Variants in OR1J2 observed in about 807,000 individuals in gnomAD.
OR1J2 encodes the protein olfactory receptor family 1 subfamily J member 2.
For missense variants in OR1J2, 304 were observed against 246.1 expected (o/e 1.24, Z -1.57); for synonymous variants, 142 against 99.7 (o/e 1.42, Z -2.52).
At chr9:122,461,004 G>T in the OR1J2 span, among the ~76,000 whole-genome samples, 1 of 152,166 alleles carries the variant, frequency 6.6e-6, no homozygotes, top group African/African-American at 2.4e-5. Flanking sequence ...AGTTCTAGGA[G>T]CTTTTTTGAT....
the OR1J2 span, chr9:122,477,866 G>C: frequency 4.3e-6 from 7 of 1,613,370 alleles, no homozygotes; most frequent in African/African-American, 1.3e-5. Flanking sequence ...TGCTGCTCTG[G>C]CCGGATGGGG....
the OR1J2 span, among the ~76,000 whole-genome samples, chr9:122,469,508 G>A: frequency 6.6e-6 from 1 of 152,122 alleles, no homozygotes; most frequent in Non-Finnish European, 1.5e-5. Flanking sequence ...CGAGTCTTGG[G>A]TATATGTTTA....
chr9:122,522,666 A>C, the OR1J2 span, among the ~76,000 whole-genome samples: 1 of 152,180 alleles, frequency 6.6e-6, no homozygotes, highest in African/African-American at 2.4e-5. Flanking sequence ...TGGAATTAAT[A>C]CTAAAAATAG....
chr9:122,479,815 T>C, the OR1J2 span, among the ~76,000 whole-genome samples: 1 of 152,192 alleles, frequency 6.6e-6, no homozygotes, highest in Admixed American at 6.5e-5. Context: ...AACCAACTAA[T>C]GCATACTCTA....
the OR1J2 span, among the ~76,000 whole-genome samples, chr9:122,573,644 T>A: frequency 6.6e-6 from 1 of 152,230 alleles, no homozygotes; most frequent in African/African-American, 2.4e-5. Context: ...TGAATTACAG[T>A]CCTTTATCAG....
the OR1J2 span, among the ~76,000 whole-genome samples, chr9:122,483,737 G>A: frequency 1.3e-5 from 2 of 152,156 alleles, no homozygotes; most frequent in African/African-American, 2.4e-5. Flanking sequence ...ACAACATGTC[G>A]ATGTTTGTTA....
the OR1J2 span, among the ~76,000 whole-genome samples, chr9:122,548,629 A>G: frequency 6.0e-5 from 9 of 150,840 alleles, no homozygotes; most frequent in African/African-American, 1.9e-4. Flanking sequence ...GTTCTAGGGT[A>G]TGTGTGCACA....
the OR1J2 span, among the ~76,000 whole-genome samples, chr9:122,575,865 G>C: frequency 5.3e-5 from 8 of 152,178 alleles, no homozygotes; most frequent in African/African-American, 1.9e-4. Context: ...CTTCATGTCT[G>C]TATCCTTTGA....
the OR1J2 span, among the ~76,000 whole-genome samples, chr9:122,551,670 C>T: frequency 8.6e-4 from 131 of 152,118 alleles, no homozygotes; most frequent in African/African-American, 3.0e-3. Flanking sequence ...AGATCTTAAC[C>T]CCTGGGAAAG....
the OR1J2 span, among the ~76,000 whole-genome samples, chr9:122,566,346 C>A: frequency 6.6e-6 from 1 of 152,150 alleles, no homozygotes; most frequent in Non-Finnish European, 1.5e-5. Context: ...GACATTACAA[C>A]TGTGTATAAA....
the OR1J2 span, among the ~76,000 whole-genome samples, chr9:122,498,951 C>T: frequency 6.6e-6 from 1 of 152,302 alleles, no homozygotes; most frequent in African/African-American, 2.4e-5. Flanking sequence ...TTATATTGGG[C>T]TGTGCAGTTC....
chr9:122,472,650 T>C, the OR1J2 span, among the ~76,000 whole-genome samples: 2 of 152,216 alleles, frequency 1.3e-5, no homozygotes, highest in African/African-American at 4.8e-5. Flanking sequence ...ATCAAGGCTA[T>C]GGATAAAAAG....
At chr9:122,509,871 C>A (rs190429993), upstream of OR1J2, among the ~76,000 whole-genome samples, 282 of 152,252 alleles carry the variant, frequency 1.9e-3, 2 homozygotes, top group East Asian at 0.01. Flanking sequence ...TGAATTGATA[C>A]AATCCCTAAT....
chr9:122,474,795 T>C, the OR1J2 span, among the ~76,000 whole-genome samples: 1 of 151,748 alleles, frequency 6.6e-6, no homozygotes, highest in Non-Finnish European at 1.5e-5. Context: ...AGGACTGCAG[T>C]AATTCAGATA....
upstream of OR1J2, among the ~76,000 whole-genome samples, chr9:122,509,649 A>G (rs1828594552): frequency 6.6e-6 from 1 of 152,174 alleles, no homozygotes; most frequent in African/African-American, 2.4e-5. Context: ...CAAGGTTGGA[A>G]CAGAGAGGTT....
At chr9:122,565,240 A>G in the OR1J2 span, among the ~76,000 whole-genome samples, 2 of 152,220 alleles carry the variant, frequency 1.3e-5, no homozygotes, top group Non-Finnish European at 2.9e-5. Context: ...TGACAAAGAT[A>G]CCTGGGGAAG....
rs1361061865 is a variant in OR1J2, at chr9:122,511,039, A to G, written c.238A>G (p.Lys80Glu). The stretch of plus-strand genomic sequence containing the variant: ...CTCCTTTTCATCTGTCACTGTCCCT[A>G]AGATGCTGATGGACATGCGGACTAA... ...DISFSSVTVP[K>E]MLMDMRTKYK... The change falls in exon 1 of 1, where the codon AAG becomes GAG. Residue 80 changes from lysine to glutamate, a missense_variant. Coordinates refer to ENST00000335302, the MANE Select transcript of OR1J2 (RefSeq NM_054107.1). 1.3e-6 allele frequency: 2 copies of G among 1,517,010 alleles called. No individual in the cohort carries two copies. Among genetic ancestry groups the G allele is most frequent in the Non-Finnish European group, 1.8e-6 (2 of 1,095,328 alleles). The allele number at this position is 1,517,010 out of a possible 1,614,324, so 94.0% of individuals were successfully genotyped here.
the OR1J2 span, among the ~76,000 whole-genome samples, chr9:122,562,687 G>A: frequency 7.2e-5 from 11 of 152,168 alleles, no homozygotes; most frequent in Non-Finnish European, 1.5e-4. Flanking sequence ...CTTGGTTGCC[G>A]TTGCAGGGTT....
At chr9:122,529,224 A>G in the OR1J2 span, among the ~76,000 whole-genome samples, 1 of 152,072 alleles carries the variant, frequency 6.6e-6, no homozygotes, top group Non-Finnish European at 1.5e-5. Context: ...GGCACATTCT[A>G]ATAGCCATGT....
Sources: gnomAD v4.1 joint callset for allele counts (sites outside exome capture counted in the v4.1 genomes callset) on GRCh38, gnomAD v4.1.1 for gene constraint, MANE v1.5 for transcripts, NCBI Gene and HGNC (gene_info 2026-07-23, HGNC 2026-07-21) for gene names.